The following DACH2 variants were observed in gnomAD, a reference collection of about 807,000 sequenced individuals.
DACH2 encodes dachshund family transcription factor 2.
Under a neutral mutation model 35.8 loss-of-function variants are expected in DACH2, and 17 were observed. The observed-to-expected ratio is 0.48, with a 90% CI of 0.33 to 0.71. The LOEUF (loss-of-function observed/expected upper bound fraction) is 0.71, where lower values mean the gene tolerates loss of function less well. Ranked by LOEUF, DACH2 falls within the 30% of genes least tolerant of loss-of-function variation. The pLI is 0.02. For missense variants in DACH2, 469 were observed against 472.7 expected (o/e 0.99, Z 0.07); for synonymous variants, 195 against 177.3 (o/e 1.10, Z -0.79).
chrX:86,313,091 A>G (rs1416340230), intron 1 of DACH2, among the ~76,000 whole-genome samples: 1 of 111,607 alleles, frequency 9.0e-6, no homozygotes, highest in Admixed American at 9.6e-5. Flanking sequence ...GAAATAAGCT[A>G]ATCACCATGA....
chrX:86,332,188 A>G (rs1362125318), intron 1 of DACH2, among the ~76,000 whole-genome samples: 1 of 111,452 alleles, frequency 9.0e-6, no homozygotes, highest in Non-Finnish European at 1.9e-5. Flanking sequence ...GCATGTTGAT[A>G]TATGTCCCTT....
intron 7 of DACH2, among the ~76,000 whole-genome samples, chrX:86,760,887 CT>C (rs2041873700): frequency 9.1e-6 from 1 of 109,673 alleles, no homozygotes; most frequent in African/African-American, 3.3e-5. Context: ...TAATGGAGGA[CT>C]TTTTCCTAAA....
At chrX:86,799,014 A>G (rs1432587739) in intron 7 of DACH2, 1 of 243,370 alleles carries the variant, frequency 4.1e-6, no homozygotes, top group Admixed American at 6.2e-5. Flanking sequence ...AAATTCTCCC[A>G]AGTTCAGAAT....
chrX:86,415,332 G>A (rs1166575857), intron 2 of DACH2, among the ~76,000 whole-genome samples: 1 of 111,733 alleles, frequency 8.9e-6, no homozygotes, highest in Non-Finnish European at 1.9e-5. Context: ...TGTTTTTGTG[G>A]TGTGCATCAG....
At chrX:86,665,275 T>C (rs749969794) in intron 4 of DACH2, among the ~76,000 whole-genome samples, 1 of 111,997 alleles carries the variant, frequency 8.9e-6, no homozygotes, top group Non-Finnish European at 1.9e-5. Context: ...CAACATCTTG[T>C]CAAAATATAG....
At chrX:86,495,305 G>A (rs752561948) in intron 2 of DACH2, among the ~76,000 whole-genome samples, 6 of 108,882 alleles carry the variant, frequency 5.5e-5, no homozygotes, top group Admixed American at 3.0e-4. Context: ...TGATCCACCC[G>A]CCTCGGTTTC....
At chrX:86,719,932 C>CTTTTTT (rs57079697) in intron 6 of DACH2, among the ~76,000 whole-genome samples, 4 of 75,580 alleles carry the variant, frequency 5.3e-5, no homozygotes, top group Non-Finnish European at 9.8e-5. Context: ...TTTCTTTTTT[C>CTTTTTT]TTTTTTTTTT....
chrX:86,695,650 C>T (rs184201225), intron 5 of DACH2, among the ~76,000 whole-genome samples: 300 of 109,950 alleles, frequency 2.7e-3, no homozygotes, highest in Middle Eastern at 4.6e-3. Context: ...GCTGGGATTA[C>T]AGGCATCTGC....
intron 2 of DACH2, among the ~76,000 whole-genome samples, chrX:86,429,811 C>T (rs757318587): frequency 5.4e-5 from 6 of 111,945 alleles, no homozygotes; most frequent in East Asian, 2.8e-4. Flanking sequence ...AATCTGCCTG[C>T]CTCAGCCTCC....
intron 1 of DACH2, among the ~76,000 whole-genome samples, chrX:86,165,895 G>T (rs766262133): frequency 2.7e-5 from 3 of 111,577 alleles, no homozygotes; most frequent in South Asian, 3.7e-4. Context: ...TATTGCTCAA[G>T]AAATCTTTGC....
intron 7 of DACH2, among the ~76,000 whole-genome samples, chrX:86,762,254 C>T (rs1028850505): frequency 9.0e-6 from 1 of 111,273 alleles, no homozygotes; most frequent in African/African-American, 3.3e-5. Context: ...CCTGCAACAG[C>T]TCTCTCAAGT....
At chrX:86,288,864 T>A (rs779968157) in intron 1 of DACH2, among the ~76,000 whole-genome samples, 10 of 111,986 alleles carry the variant, frequency 8.9e-5, no homozygotes, top group African/African-American at 3.2e-4. Flanking sequence ...AAGTCTGGTT[T>A]GGTGCTCTAT....
chrX:86,441,206 C>T (rs2037155538), intron 2 of DACH2, among the ~76,000 whole-genome samples: 1 of 110,958 alleles, frequency 9.0e-6, no homozygotes, highest in African/African-American at 3.3e-5. Context: ...AATATTAGAT[C>T]TTATTCATTC....
intron 2 of DACH2, among the ~76,000 whole-genome samples, chrX:86,394,676 G>T (rs1220748866): frequency 1.8e-5 from 2 of 111,475 alleles, no homozygotes; most frequent in African/African-American, 3.3e-5. Context: ...TTATGAAAAT[G>T]GTAAAGATTT....
chrX:86,399,209 C>A (rs1370911574), intron 2 of DACH2, among the ~76,000 whole-genome samples: 2 of 111,530 alleles, frequency 1.8e-5, no homozygotes, highest in Admixed American at 1.9e-4. Context: ...GCAACCCCTG[C>A]CTTTTTTTGT....
At chrX:86,585,179 T>C (rs1158397619) in intron 3 of DACH2, among the ~76,000 whole-genome samples, 2 of 110,991 alleles carry the variant, frequency 1.8e-5, no homozygotes, top group African/African-American at 3.3e-5. Flanking sequence ...ACAGTAATGA[T>C]ACTGCTGGGT....
chrX:86,478,448 T>C (rs1461625263), intron 2 of DACH2, among the ~76,000 whole-genome samples: 1 of 111,109 alleles, frequency 9.0e-6, no homozygotes, highest in Non-Finnish European at 1.9e-5. Flanking sequence ...GCCTGTAAGA[T>C]ATCCACTCAA....
chrX:86,200,635 C>CAAAAAAAAA (rs56012558), intron 1 of DACH2, among the ~76,000 whole-genome samples: 1 of 47,696 alleles, frequency 2.1e-5, no homozygotes, highest in Non-Finnish European at 3.9e-5. Flanking sequence ...TGAACTTTTC[C>CAAAAAAAAA]AAAAAAAAAA....
intron 1 of DACH2, among the ~76,000 whole-genome samples, chrX:86,251,022 A>G: frequency 9.0e-6 from 1 of 111,434 alleles, no homozygotes; most frequent in Admixed American, 9.6e-5. Flanking sequence ...TCAAAAAGGT[A>G]GGTGTGCCTG....
Sources: gnomAD v4.1 joint callset for allele counts (sites outside exome capture counted in the v4.1 genomes callset) on GRCh38, gnomAD v4.1.1 for gene constraint, MANE v1.5 for transcripts, NCBI Gene and HGNC (gene_info 2026-07-23, HGNC 2026-07-21) for gene names.